Variants in CSAG1 observed in about 807,000 individuals in gnomAD.
CSAG1 encodes chondrosarcoma associated gene 1.
A neutral mutation model predicts 4.8 loss-of-function variants in CSAG1; 4 were observed. The ratio of observed to expected loss-of-function variants is 0.83; its 90% confidence interval spans 0.41 to 1.90. The LOEUF (loss-of-function observed/expected upper bound fraction) is 1.90. Ranked by LOEUF, CSAG1 falls within the 40% of genes most tolerant of loss-of-function variation. CSAG1 has a pLI of 0.03. For missense variants in CSAG1, 69 were observed against 59.5 expected (o/e 1.16, Z -0.53); for synonymous variants, 21 against 23.1 (o/e 0.91, Z 0.26).
intron 2 of CSAG1, among the ~76,000 whole-genome samples, chrX:152,730,009 T>TATATATATATATATATATATATATACAC (rs1220407757): frequency 1.8e-5 from 1 of 54,980 alleles, no homozygotes; most frequent in African/African-American, 5.9e-5. Context: ...TATATATATA[T>TATATATATATATATATATATATATACAC]ACACACATAC....
intron 2 of CSAG1, among the ~76,000 whole-genome samples, chrX:152,728,931 T>G (rs1932088888): frequency 8.9e-6 from 1 of 111,792 alleles, no homozygotes; most frequent in East Asian, 2.8e-4. Context: ...CTTTTAACAT[T>G]AATCACTTCC....
chrX:152,729,461 G>A (rs1932105305), intron 2 of CSAG1, among the ~76,000 whole-genome samples: 3 of 112,227 alleles, frequency 2.7e-5, no homozygotes, highest in African/African-American at 9.7e-5. Flanking sequence ...AACATCTGCG[G>A]TACACATATG....
intron 2 of CSAG1, among the ~76,000 whole-genome samples, chrX:152,729,718 C>T (rs782476670): frequency 9.0e-6 from 1 of 110,704 alleles, no homozygotes; most frequent in South Asian, 3.8e-4. Context: ...AAAACCAAGA[C>T]CAATTGCCAG....
intron 2 of CSAG1, among the ~76,000 whole-genome samples, chrX:152,728,487 A>T (rs1375308753): frequency 8.9e-6 from 1 of 112,135 alleles, no homozygotes; most frequent in Non-Finnish European, 1.9e-5. Context: ...CACTGCAAAT[A>T]TCTTGCACCG....
intron 2 of CSAG1, among the ~76,000 whole-genome samples, chrX:152,730,371 A>C (rs1375032023): frequency 8.9e-6 from 1 of 111,934 alleles, no homozygotes; most frequent in Non-Finnish European, 1.9e-5. Context: ...GTTCCCACAA[A>C]CTTCATCTGC....
intron 2 of CSAG1, 133 bp from the exon 3 acceptor site, chrX:152,728,357 A>G (rs1556830927): frequency 3.5e-5 from 22 of 622,225 alleles, no homozygotes; most frequent in Non-Finnish European, 5.6e-5. Flanking sequence ...GCTTTACTTA[A>G]AGTCAACTGA....
chrX:152,732,283 A>C (rs781945247), intron 2 of CSAG1, among the ~76,000 whole-genome samples, 162 bp downstream of exon 2: 86 of 112,667 alleles, frequency 7.6e-4, no homozygotes, highest in Non-Finnish European at 1.4e-3. Flanking sequence ...AGTCTAATAA[A>C]AATGTATAAG....
intron 2 of CSAG1, among the ~76,000 whole-genome samples, chrX:152,728,984 G>A (rs1419623352): frequency 9.0e-6 from 1 of 110,729 alleles, no homozygotes; most frequent in African/African-American, 3.3e-5. Flanking sequence ...GGGGCTGAGG[G>A]CTTCAAAATA....
At chrX:152,732,040 T>A (rs201821736) in intron 2 of CSAG1, among the ~76,000 whole-genome samples, 1 of 112,144 alleles carries the variant, frequency 8.9e-6, no homozygotes, top group East Asian at 2.8e-4. Context: ...GTAAGTGGTA[T>A]GAATATTGGA....
chrX:152,730,007 T>C (rs1317397379), intron 2 of CSAG1, among the ~76,000 whole-genome samples: 4 of 79,565 alleles, frequency 5.0e-5, no homozygotes, highest in Admixed American at 1.2e-4. Flanking sequence ...TATATATATA[T>C]ATACACACAT....
Position 152,727,855 on chromosome X carries a change from C to T in CSAG1, c.176G>A (p.Arg59Lys). The T allele has an allele frequency of 8.3e-7, 1 of 1,210,320 alleles. No individual in the cohort carries two copies. The highest frequency in any genetic ancestry group is 1.8e-5 in the South Asian group (1 of 56,909). Reference protein sequence around the residue: ...NHPSTPKRFPRQPRREKGPVK... With the variant: ...NHPSTPKRFPKQPRREKGPVK... Reference sequence around the variant, plus strand: ...GGGTCCCTTTTCCCTTCTGGGTTGTCTTGGGAACCTGGAAAGCCAACAGGG... The same window carrying T: ...GGGTCCCTTTTCCCTTCTGGGTTGTTTTGGGAACCTGGAAAGCCAACAGGG... The change falls in exon 4 of 4, where the codon AGA becomes AAA. Residue 59 changes from arginine to lysine, a missense_variant. Coordinates refer to ENST00000452779, the MANE Select transcript of CSAG1 (RefSeq NM_001102576.3).
At chrX:152,732,319 T>C (rs1932174848) in intron 2 of CSAG1, 126 bp downstream of exon 2, 3 of 868,657 alleles carry the variant, frequency 3.5e-6, no homozygotes, top group Non-Finnish European at 4.6e-6. Flanking sequence ...ACTATCGAAG[T>C]ATACTGACAT....
In CSAG1 at chrX:152,732,562, A is replaced by G. The variant is rs1469690300; in HGVS notation, c.-44-58T>C. ...AAAACCAGTATTAGCAAGAAAATCTACACAACAAAACAGGGCCAGTCCAGG... is the reference window on the plus strand; with the variant it reads ...AAAACCAGTATTAGCAAGAAAATCTGCACAACAAAACAGGGCCAGTCCAGG... On this transcript the variant is annotated intron_variant, in intron 1 of 3. Transcript: ENST00000452779. 3.4e-6 allele frequency: 4 copies of G among 1,163,892 alleles called. No individual in the cohort carries two copies. The Admixed American group carries it at 6.7e-5, about 19-fold the overall frequency.
At chrX:152,728,699 G>T (rs1932080254) in intron 2 of CSAG1, among the ~76,000 whole-genome samples, 3 of 112,252 alleles carry the variant, frequency 2.7e-5, no homozygotes, top group Non-Finnish European at 5.6e-5. Context: ...GGAAGTCCCA[G>T]ATCAAGGACT....
intron 2 of CSAG1, 110 bp from the exon 3 acceptor site, chrX:152,728,334 T>C (rs1204568167): frequency 2.6e-6 from 2 of 781,029 alleles, no homozygotes; most frequent in Non-Finnish European, 3.9e-6. Context: ...ATCCACATTA[T>C]GGAAGTTAAA....
At chrX:152,733,336 G>A (rs1220451303) in intron 1 of CSAG1, 2 of 112,374 alleles carry the variant, frequency 1.8e-5, no homozygotes, top group African/African-American at 6.5e-5. Flanking sequence ...AGTGAGGACT[G>A]AGGGTCCACC....
In CSAG1 at chrX:152,731,599, T is replaced by A. The variant is rs138751351; in HGVS notation, c.16+846A>T. Among the ~76,000 whole-genome samples the A allele has an allele frequency of 8.1e-5, 9 of 110,880 alleles. No individual in the cohort carries two copies. In the East Asian group the frequency reaches 2.5e-3, roughly 31 times the overall value. On this transcript the variant is annotated intron_variant, in intron 2 of 3. Transcript: ENST00000452779. Reference sequence around the variant, plus strand: ...CAAAATCAGATGAGGACCACATCCCTCCCCGATGGAAAAAGAACACACCAA... The same window carrying A: ...CAAAATCAGATGAGGACCACATCCCACCCCGATGGAAAAAGAACACACCAA...
intron 3 of CSAG1, 75 bp from the exon 4 acceptor site, chrX:152,727,938 T>A: frequency 2.5e-6 from 3 of 1,194,115 alleles, no homozygotes; most frequent in Non-Finnish European, 3.4e-6. Context: ...AGAACAGGGG[T>A]TTCATAGAGA....
rs201259535 is a variant in CSAG1, at chrX:152,727,812, T to A, written c.219A>T (p.Gly73=). The A allele has an allele frequency of 8.3e-7, 1 of 1,211,250 alleles. No homozygotes were observed. The highest frequency in any genetic ancestry group is 1.1e-6 in the Non-Finnish European group (1 of 895,027). The stretch of plus-strand genomic sequence containing the variant: ...TGGTCTTTTAGGGAGAGCCTTTTGT[T>A]CCTGGAACTTCCTTGACGGGTCCCT... The part of the protein sequence containing the change: ...REKGPVKEVP[G]TKGSP The change falls in exon 4 of 4, where the codon GGA becomes GGT. Residue 73 remains glycine, a synonymous_variant. Coordinates refer to ENST00000452779, the MANE Select transcript of CSAG1 (RefSeq NM_001102576.3).
Sources: allele counts gnomAD v4.1 joint callset (sites outside exome capture counted in the v4.1 genomes callset), GRCh38; gene constraint gnomAD v4.1.1; transcripts MANE v1.5; gene names NCBI Gene and HGNC (gene_info 2026-07-23, HGNC 2026-07-21).